The following TRAK1 variants were observed in gnomAD, a reference collection of about 807,000 sequenced individuals.
TRAK1 encodes trafficking kinesin protein 1, also known as trafficking kinesin-binding protein 1.
A neutral mutation model predicts 92.1 loss-of-function variants in TRAK1; 33 were observed. That is an observed-to-expected ratio of 0.36 (90% CI 0.27 to 0.48). The LOEUF is 0.48. TRAK1 is among the 20% of genes least tolerant of loss of function. The pLI, the probability that TRAK1 is intolerant of heterozygous loss-of-function variation, is 0.99. For synonymous variants in TRAK1, 521 were observed against 517.3 expected, an observed-to-expected ratio of 1.01 and a Z score of -0.10; for missense variants, 1,123 against 1,257.9, an observed-to-expected ratio of 0.89 and a Z score of 1.62.
At position 42,188,315 on chromosome 3, in the gene TRAK1, T is replaced by C. The variant is rs1705193385; in HGVS notation, c.581+170T>C. Among the ~76,000 whole-genome samples the C allele has an allele frequency of 2.6e-5, 4 of 152,236 alleles. No homozygotes were observed. The South Asian group carries it at 8.3e-4, about 31-fold the overall frequency. On this transcript the variant is annotated intron_variant, in intron 5 of 15. Coordinates refer to ENST00000327628, the MANE Select transcript of TRAK1 (RefSeq NM_001042646.3). The stretch of plus-strand genomic sequence containing the variant: ...TGCCTCAAACAGATTGATTTTACTA[T>C]TTTAGCGGGATATGGATGGACAGGT...
At chr3:42,134,112 AGCTGGTCG>A (rs1170051971) in intron 2 of TRAK1, among the ~76,000 whole-genome samples, 1 of 152,034 alleles carries the variant, frequency 6.6e-6, no homozygotes, top group Non-Finnish European at 1.5e-5. Flanking sequence ...GACAGTGGTC[AGCTGGTCG>A]GCAGTATCAG....
intron 1 of TRAK1, among the ~76,000 whole-genome samples, chr3:42,020,792 T>C (rs1227087795): frequency 6.6e-6 from 1 of 152,184 alleles, no homozygotes; most frequent in Non-Finnish European, 1.5e-5. Flanking sequence ...ACATCTTGTG[T>C]TTCTGAATAC....
chr3:42,031,526 A>G lies in TRAK1; in HGVS notation c.-519+17409A>G, dbSNP rs1027452288. ...GTGTGCGCCTGTAGTCCTAGCTACT[A>G]TGGGGCTGAGGGAGGAGAATCACTT... is the stretch of plus-strand genomic sequence containing the variant. On this transcript the variant is annotated intron_variant, in intron 1 of 16. Coordinates refer to the TRAK1 transcript ENST00000487159. Among the ~76,000 whole-genome samples the G allele has an allele frequency of 2.5e-4, 7 of 27,990 alleles. No individual in the cohort carries two copies. The Non-Finnish European group carries it at 0.011, about 43-fold the overall frequency. The allele number at this position is 27,990 out of a possible 152,430, so 18.4% of individuals were successfully genotyped here.
chr3:42,176,260 T>C (rs1703198095), intron 2 of TRAK1, among the ~76,000 whole-genome samples: 1 of 152,224 alleles, frequency 6.6e-6, no homozygotes. Context: ...TTTCATGGTA[T>C]GGAGCTGGTT....
Position 42,193,186 on chromosome 3 carries a change from T to G in TRAK1, c.881T>G (p.Leu294Trp). Residue 294 changes from leucine (L) to tryptophan (W), a missense_variant, in exon 8 of 16, where the codon TTG becomes TGG. Physicochemically the swap from Leu to Trp is moderately conservative, Grantham distance 61. This residue lies in a region of TRAK1 where 686 missense variants were observed against 747.6 expected (regional missense o/e 0.92). Coordinates refer to ENST00000327628, the MANE Select transcript of TRAK1 (RefSeq NM_001042646.3). ...CACCTGCTATCGCAAATAGTTGATTTGCAGAAAAAGGCAAAAGCTGTAAGG... is the reference window on the plus strand; with the variant it reads ...CACCTGCTATCGCAAATAGTTGATTGGCAGAAAAAGGCAAAAGCTGTAAGG... ...ITHLLSQIVD[L>W]QKKAKACAVE... The G allele has an allele frequency of 6.2e-7, 1 of 1,614,130 alleles. No homozygotes were observed. Among genetic ancestry groups the G allele is most frequent in the Non-Finnish European group, 8.5e-7 (1 of 1,179,998 alleles).
chr3:42,102,991 C>T (rs1428796245), intron 1 of TRAK1, among the ~76,000 whole-genome samples: 3 of 152,156 alleles, frequency 2.0e-5, no homozygotes, highest in Non-Finnish European at 4.4e-5. Flanking sequence ...TCATACAGTT[C>T]ATCCATATAA....
intron 14 of TRAK1, among the ~76,000 whole-genome samples, chr3:42,216,970 G>A (rs575056283): frequency 6.6e-6 from 1 of 152,096 alleles, no homozygotes; most frequent in African/African-American, 2.4e-5. Flanking sequence ...CTTCTGCAAA[G>A]AACTTTCTGT....
chr3:42,078,465 A>AG (rs111881642), intron 1 of TRAK1, among the ~76,000 whole-genome samples: 6 of 152,280 alleles, frequency 3.9e-5, no homozygotes, highest in African/African-American at 1.2e-4. Flanking sequence ...TAGAAAGATG[A>AG]GGCAGAGGCC....
chr3:42,055,347 G>A (rs1196674360), intron 1 of TRAK1, among the ~76,000 whole-genome samples: 3 of 152,130 alleles, frequency 2.0e-5, no homozygotes, highest in Admixed American at 6.5e-5. Flanking sequence ...TTTTTAAAAA[G>A]CTTTGTTAAA....
upstream of TRAK1, among the ~76,000 whole-genome samples, chr3:42,089,799 G>A (rs1182954746): frequency 6.6e-6 from 1 of 151,540 alleles, no homozygotes; most frequent in Non-Finnish European, 1.5e-5. Context: ...CAAACTTGCA[G>A]TAGACTAAAG....
chr3:42,189,407 C>T (rs771470738), intron 6 of TRAK1, among the ~76,000 whole-genome samples: 3 of 152,244 alleles, frequency 2.0e-5, no homozygotes, highest in Non-Finnish European at 4.4e-5. Flanking sequence ...AGTGAGGTCT[C>T]CCATGGTGTT....
rs768071639 is a variant in TRAK1, at chr3:42,125,539, C to G, written c.211C>G (p.His71Asp). The change falls in exon 2 of 16, where the codon CAT becomes GAT. Residue 71 changes from histidine (H) to aspartate (D), a missense_variant. By Grantham distance (81) the His-to-Asp change is moderately conservative. Transcript: ENST00000327628. The part of the protein sequence containing the change: ...IYGYDHDDWL[H>D]TPLISPDANI... ...CGGTTATGACCACGACGACTGGCTCCATACACCTCTCATTTCTCCAGATGC... is the reference window on the plus strand; with the variant it reads ...CGGTTATGACCACGACGACTGGCTCGATACACCTCTCATTTCTCCAGATGC... 2.2e-5 allele frequency: 35 copies of G among 1,614,100 alleles called. No individual in the cohort carries two copies. Among genetic ancestry groups the G allele is most frequent in the Non-Finnish European group, 5.9e-6 (7 of 1,180,040 alleles).
intron 2 of TRAK1, chr3:42,160,310 C>G: frequency 1.2e-6 from 2 of 1,604,354 alleles, no homozygotes; most frequent in Non-Finnish European, 1.7e-6. Flanking sequence ...TCGGGGGCAC[C>G]CCCAAGGATG....
At chr3:42,048,958 G>A (rs907171348) in intron 1 of TRAK1, among the ~76,000 whole-genome samples, 3 of 152,252 alleles carry the variant, frequency 2.0e-5, no homozygotes, top group Admixed American at 2.0e-4. Context: ...ACTATGTTGA[G>A]CTCACTGCAG....
intron 1 of TRAK1, among the ~76,000 whole-genome samples, chr3:42,031,606 T>A (rs1702150207): frequency 6.8e-6 from 1 of 147,206 alleles, no homozygotes; most frequent in Admixed American, 6.9e-5. Context: ...GTACTCCAGC[T>A]CAGGGGACAG....
At chr3:42,130,001 A>G (rs1020472475) in intron 2 of TRAK1, among the ~76,000 whole-genome samples, 6 of 152,206 alleles carry the variant, frequency 3.9e-5, no homozygotes, top group Non-Finnish European at 5.9e-5. Context: ...TATGTCTAAC[A>G]TATTCAAAAT....
intron 13 of TRAK1, among the ~76,000 whole-genome samples, chr3:42,208,789 CG>C (rs1325702476): frequency 6.6e-6 from 1 of 152,222 alleles, no homozygotes; most frequent in Non-Finnish European, 1.5e-5. Flanking sequence ...GCCAGCCTCA[CG>C]GGCCATGCAC....
intron 3 of TRAK1, among the ~76,000 whole-genome samples, chr3:42,178,793 G>A (rs563570129): frequency 3.3e-5 from 5 of 152,072 alleles, no homozygotes; most frequent in African/African-American, 1.2e-4. Context: ...TTGCCAACAT[G>A]GCCAAACCAT....
chr3:42,018,087 C>CGAAAA (rs752540329), intron 1 of TRAK1, among the ~76,000 whole-genome samples: 72 of 114,272 alleles, frequency 6.3e-4, no homozygotes, highest in Non-Finnish European at 1.0e-3. Flanking sequence ...CTCATTGTTA[C>CGAAAA]AAAAAAAAAA....
Sources: allele counts gnomAD v4.1 joint callset (sites outside exome capture counted in the v4.1 genomes callset), GRCh38; gene constraint gnomAD v4.1.1; regional missense constraint gnomAD v4.1.1; transcripts MANE v1.5; gene names NCBI Gene and HGNC (gene_info 2026-07-23, HGNC 2026-07-21).